The following PMFBP1 variants were observed in gnomAD, a reference collection of about 807,000 sequenced individuals.
PMFBP1 encodes polyamine modulated factor 1 binding protein 1.
PMFBP1 carries 131 observed loss-of-function variants against 137.8 expected under a neutral mutation model. The ratio of observed to expected loss-of-function variants is 0.95; its 90% CI spans 0.82 to 1.10. The LOEUF (loss-of-function observed/expected upper bound fraction) is 1.10. Among genes scored for constraint, PMFBP1 ranks in the 50% least tolerant of loss-of-function variants. The pLI is 0.00. For missense variants in PMFBP1, 1,199 were observed against 1,175.4 expected, an observed-to-expected ratio of 1.02 and a Z score of -0.29; for synonymous variants, 490 against 450.4, an observed-to-expected ratio of 1.09 and a Z score of -1.11.
intron 2 of PMFBP1, among the ~76,000 whole-genome samples, 192 bp from the exon 3 acceptor site, chr16:72,165,108 A>G (rs1483093236): frequency 6.6e-6 from 1 of 152,202 alleles, no homozygotes; most frequent in Non-Finnish European, 1.5e-5. Flanking sequence ...TGCATTATTC[A>G]GACAATTACT....
At chr16:72,222,948 G>C in the PMFBP1 span, among the ~76,000 whole-genome samples, 1 of 152,056 alleles carries the variant, frequency 6.6e-6, no homozygotes, top group East Asian at 1.9e-4. Context: ...CTTATAGGTG[G>C]TATTTAAAAT....
the PMFBP1 span, among the ~76,000 whole-genome samples, chr16:72,197,315 A>T: frequency 2.6e-5 from 4 of 152,242 alleles, no homozygotes; most frequent in African/African-American, 9.6e-5. Context: ...TGACTAAGGT[A>T]AAAAAGCATG....
At chr16:72,207,524 T>C in the PMFBP1 span, among the ~76,000 whole-genome samples, 4 of 151,972 alleles carry the variant, frequency 2.6e-5, no homozygotes, top group Non-Finnish European at 4.4e-5. Flanking sequence ...TGTGGTTTAG[T>C]AGAGAAATGG....
Position 72,164,782 on chromosome 16 carries a change from C to T in PMFBP1, c.147G>A (p.Glu49=), listed in dbSNP as rs748443596. ...CCCTTACGTGGCTGCTGTTCATTGC[C>T]TCCTCCATGCAGAGCTGATTGTCCT... ...TLQDNQLCME[E]AMNSSHDKKQ... Residue 49 remains glutamate, a synonymous_variant, in exon 3 of 21, where the codon GAG becomes GAA. Coordinates refer to ENST00000237353, the MANE Select transcript of PMFBP1 (RefSeq NM_031293.3). 2.8e-5 allele frequency: 45 copies of T among 1,593,638 alleles called. No individual in the cohort carries two copies. Among genetic ancestry groups the T allele is most frequent in the Non-Finnish European group, 3.9e-5 (45 of 1,164,054 alleles).
At chr16:72,246,057 G>A in the PMFBP1 span, among the ~76,000 whole-genome samples, 5 of 152,128 alleles carry the variant, frequency 3.3e-5, no homozygotes, top group African/African-American at 1.2e-4. Flanking sequence ...GGGTAAGAGT[G>A]GTTGCAGAAT....
chr16:72,248,421 C>T, the PMFBP1 span, among the ~76,000 whole-genome samples: 1 of 152,092 alleles, frequency 6.6e-6, no homozygotes, highest in Admixed American at 6.6e-5. Context: ...TGATATGGAC[C>T]TGGGATAGGA....
chr16:72,152,248 C>G (rs1334338510), intron 4 of PMFBP1, among the ~76,000 whole-genome samples: 1 of 152,122 alleles, frequency 6.6e-6, no homozygotes, highest in Non-Finnish European at 1.5e-5. Context: ...TAAAATAATT[C>G]TCTCAATGCT....
At chr16:72,212,521 C>T in the PMFBP1 span, among the ~76,000 whole-genome samples, 2 of 151,070 alleles carry the variant, frequency 1.3e-5, no homozygotes, top group African/African-American at 4.9e-5. Context: ...TGACAGACCA[C>T]ATGTGGCTCA....
rs1297283725 is a variant in PMFBP1, at chr16:72,119,894, T to C, written c.2964A>G (p.Gln988=). 1 of 1,614,218 alleles carries C rather than the reference T, an allele frequency of 6.2e-7. No homozygotes were observed. The highest frequency in any genetic ancestry group is 1.7e-5 in the Admixed American group (1 of 60,032). The change falls in exon 20 of 21, where the codon CAA becomes CAG. Residue 988 remains glutamine (Q), a synonymous_variant. Transcript: ENST00000237353. The stretch of plus-strand genomic sequence containing the variant: ...CGATGTACTTGGTGAGGTCCATTCT[T>C]TGACCCATATCCTGGGGCAACCCCT... The part of the protein sequence containing the change: ...GWKGLPQDMG[Q]RMDLTKYIGM...
chr16:72,156,442 C>A (rs2042981571), intron 3 of PMFBP1, among the ~76,000 whole-genome samples: 1 of 151,960 alleles, frequency 6.6e-6, no homozygotes, highest in Non-Finnish European at 1.5e-5. Flanking sequence ...CACAGTGAAA[C>A]CCCGTCTCCA....
intron 5 of PMFBP1, among the ~76,000 whole-genome samples, chr16:72,148,487 T>C (rs1484844598): frequency 1.3e-5 from 2 of 152,308 alleles, no homozygotes; most frequent in South Asian, 4.1e-4. Context: ...ACCTGCACGT[T>C]GTGCACATGT....
chr16:72,128,348 A>T, intron 14 of PMFBP1: 1 of 1,309,788 alleles, frequency 7.6e-7, no homozygotes. Flanking sequence ...TTCCCTAGCA[A>T]ATTGCCCCCC....
chr16:72,168,755 T>TGAC (rs2043181280), intron 2 of PMFBP1, among the ~76,000 whole-genome samples: 1 of 152,342 alleles, frequency 6.6e-6, no homozygotes, highest in Admixed American at 6.5e-5. Context: ...TTGAAACATA[T>TGAC]GACAGCAGCA....
At chr16:72,129,295 T>C (rs2042512474) in intron 12 of PMFBP1, 62 bp from the exon 13 acceptor site, 2 of 1,545,008 alleles carry the variant, frequency 1.3e-6, no homozygotes, top group Middle Eastern at 1.7e-4. Context: ...GGGGGAAAAA[T>C]ACAGACAATT....
chr16:72,230,659 T>C, the PMFBP1 span, among the ~76,000 whole-genome samples: 4 of 152,160 alleles, frequency 2.6e-5, no homozygotes, highest in African/African-American at 4.8e-5. Flanking sequence ...GGAGTCATGA[T>C]CAACACTTCC....
chr16:72,232,779 G>C, the PMFBP1 span, among the ~76,000 whole-genome samples: 1 of 152,120 alleles, frequency 6.6e-6, no homozygotes. Context: ...TTTAAGCAGT[G>C]AAAAACAAAT....
At chr16:72,138,869 T>G (rs565173899) in intron 7 of PMFBP1, among the ~76,000 whole-genome samples, 227 of 147,458 alleles carry the variant, frequency 1.5e-3, no homozygotes, top group African/African-American at 5.7e-3. Flanking sequence ...ATTATTAGAA[T>G]CAACTTTTGA....
At chr16:72,134,296 T>G (rs982231237) in intron 9 of PMFBP1, among the ~76,000 whole-genome samples, 4 of 152,162 alleles carry the variant, frequency 2.6e-5, no homozygotes, top group Admixed American at 2.6e-4. Context: ...TAACTACCAC[T>G]GCTAACATCC....
the PMFBP1 span, among the ~76,000 whole-genome samples, chr16:72,242,787 A>G: frequency 6.6e-6 from 1 of 152,264 alleles, no homozygotes; most frequent in African/African-American, 2.4e-5. Context: ...CTTTATAAGC[A>G]TCTAAACTGG....
Sources: gnomAD v4.1 joint callset for allele counts (sites outside exome capture counted in the v4.1 genomes callset) on GRCh38, gnomAD v4.1.1 for gene constraint, MANE v1.5 for transcripts, NCBI Gene and HGNC (gene_info 2026-07-23, HGNC 2026-07-21) for gene names.